The following ZNF829 variants were observed in gnomAD, a reference collection of about 807,000 sequenced individuals.
ZNF829 encodes the protein zinc finger protein 829.
ZNF829 carries 25 observed loss-of-function variants against 35.2 expected under a neutral mutation model. That is an observed-to-expected ratio of 0.71 (90% CI 0.52 to 0.99). ZNF829 has a LOEUF of 0.99. Ranked by LOEUF, ZNF829 falls within the 50% of genes least tolerant of loss-of-function variation. The probability of loss-of-function intolerance (pLI) is 0.00; values close to 1 mark genes in which losing one functional copy is unlikely to be tolerated. For missense variants in ZNF829, 417 were observed against 515.3 expected, an observed-to-expected ratio of 0.81 and a Z score of 1.85; for synonymous variants, 136 against 163.2, an observed-to-expected ratio of 0.83 and a Z score of 1.27.
Position 36,892,339 on chromosome 19 carries a change from C to T in ZNF829, c.452G>A (p.Ser151Asn), listed in dbSNP as rs1568366990. The T allele has an allele frequency of 6.2e-7, 1 of 1,613,816 alleles. No individual in the cohort carries two copies. The highest frequency in any genetic ancestry group is 8.5e-7 in the Non-Finnish European group (1 of 1,179,974). Residue 151 changes from serine (S) to asparagine (N), a missense_variant, in exon 6 of 6, where the codon AGT becomes AAT. By Grantham distance (46) the Ser-to-Asn change is conservative. Transcript: ENST00000391711. ...CTTACATTCCCATGGTTTCTCTTCA[C>T]TCATAGTTTTTTGAGGTGGAATAAG... ...TFLIPPQKTMSEEKPWECKIC... is the reference protein window; with the variant it reads ...TFLIPPQKTMNEEKPWECKIC...
In ZNF829 at chr19:36,892,719, C is replaced by A. The variant is rs922083404; in HGVS notation, c.320-248G>T. On this transcript the variant is annotated intron_variant, in intron 5 of 5. Coordinates refer to ENST00000391711, the MANE Select transcript of ZNF829 (RefSeq NM_001037232.4). ...CTCAAATTTTGGTCTGAACCAGAGT[C>A]ACCTTAAGCCTTGGTGAATACACAG... 2.3e-5 allele frequency: 13 copies of A among 566,858 alleles called. No individual in the cohort carries two copies. In the South Asian group the frequency reaches 2.6e-4, roughly 11 times the overall value. 35.1% of individuals were successfully genotyped at this position (566,858 alleles called of 1,614,324 possible).
chr19:36,907,912 C>CA lies in ZNF829; in HGVS notation c.319+16dup. 6.2e-7 allele frequency: 1 copy of CA among 1,604,772 alleles called. No individual in the cohort carries two copies. The highest frequency in any genetic ancestry group is 1.3e-5 in the African/African-American group (1 of 74,770). ...TCTCTTTATAGCCCTGCTCCTGAGC[C>CA]ATCATCTCTTACTTACCTGAACACA... On this transcript the variant is annotated intron_variant, in intron 5 of 5. Coordinates refer to ENST00000391711, the MANE Select transcript of ZNF829 (RefSeq NM_001037232.4).
chr19:36,898,605 T>C (rs1276773669), intron 5 of ZNF829, among the ~76,000 whole-genome samples: 2 of 152,168 alleles, frequency 1.3e-5, no homozygotes, highest in South Asian at 2.1e-4. Context: ...CTTCAAAATA[T>C]ACTACAAAGC....
chr19:36,888,314 C>T lies in ZNF829; in HGVS notation c.*3178G>A, dbSNP rs1371951940. 6.6e-6 allele frequency: 1 copy of T among 151,170 alleles called. No homozygotes were observed. The highest frequency in any genetic ancestry group is 1.5e-5 in the Non-Finnish European group (1 of 68,020). 9.4% of individuals were successfully genotyped at this position (151,170 alleles called of 1,614,324 possible). ...AGATGTTTCCTGTTCTATCTCCCAACACATACAGTGTTATTACCACAATAT... is the reference window on the plus strand; with the variant it reads ...AGATGTTTCCTGTTCTATCTCCCAATACATACAGTGTTATTACCACAATAT... On this transcript the variant is annotated 3_prime_UTR_variant, in exon 6 of 6. Coordinates refer to ENST00000391711, the MANE Select transcript of ZNF829 (RefSeq NM_001037232.4).
intron 3 of ZNF829, among the ~76,000 whole-genome samples, chr19:36,911,325 C>T (rs780454435): frequency 3.3e-5 from 5 of 152,020 alleles, no homozygotes; most frequent in Non-Finnish European, 7.3e-5. Context: ...AATGCTTCTG[C>T]CTCAGCCTCC....
rs2073046681 is a variant in ZNF829 at position 36,891,111 on chromosome 19, T to A, written c.*381A>T. On this transcript the variant is annotated 3_prime_UTR_variant, in exon 6 of 6. Coordinates refer to ENST00000391711, the MANE Select transcript of ZNF829 (RefSeq NM_001037232.4). ...CTGACTGGTGTCCAAATAAAAGACA[T>A]ACACAGAGATACACAGCGAGAATGC... 6.0e-6 allele frequency: 1 copy of A among 165,968 alleles called. No homozygotes were observed. 10.3% of individuals were successfully genotyped at this position (165,968 alleles called of 1,614,324 possible). A position where few individuals can be genotyped will look rare whatever the true frequency, so the allele number is the denominator to read the frequency against.
chr19:36,899,100 T>C lies in ZNF829; in HGVS notation c.320-6629A>G, dbSNP rs138209785. ...AGAATGGGAGAAAATATTTGCAAAC[T>C]CTTCACCTGAGAAGGGACTAATATC... On this transcript the variant is annotated intron_variant, in intron 5 of 5. Coordinates refer to ENST00000391711, the MANE Select transcript of ZNF829 (RefSeq NM_001037232.4). Among the ~76,000 whole-genome samples the C allele has an allele frequency of 2.0e-3, 309 of 152,168 alleles. 3 individuals carry two copies. Among genetic ancestry groups the C allele is most frequent in the African/African-American group, 7.3e-3 (301 of 41,516 alleles).
At chr19:36,896,915 T>C (rs1217353431) in intron 5 of ZNF829, among the ~76,000 whole-genome samples, 1 of 152,126 alleles carries the variant, frequency 6.6e-6, no homozygotes, top group Non-Finnish European at 1.5e-5. Flanking sequence ...CAAAGACTAC[T>C]ACAGGCAACT....
intron 5 of ZNF829, among the ~76,000 whole-genome samples, chr19:36,899,775 A>C (rs1436894674): frequency 1.3e-5 from 2 of 151,252 alleles, no homozygotes; most frequent in African/African-American, 2.4e-5. Context: ...AAAAAGAAAG[A>C]AGAAAAGATT....
intron 5 of ZNF829, among the ~76,000 whole-genome samples, chr19:36,894,473 G>A (rs140534611): frequency 6.6e-6 from 1 of 152,104 alleles, no homozygotes; most frequent in African/African-American, 2.4e-5. Flanking sequence ...TCTATCAAGT[G>A]CCTGAAAAAG....
intron 3 of ZNF829, among the ~76,000 whole-genome samples, chr19:36,912,533 AT>A (rs1277084704): frequency 2.0e-5 from 3 of 151,952 alleles, no homozygotes; most frequent in South Asian, 2.1e-4. Context: ...TTTTAACCTA[AT>A]TTTTTTTCTT....
intron 2 of ZNF829, 44 bp downstream of exon 2, chr19:36,915,086 C>T (rs2073301509): frequency 6.2e-7 from 1 of 1,613,922 alleles, no homozygotes; most frequent in South Asian, 1.1e-5. Context: ...TTCTTGGTAC[C>T]CAGATTAGTC....
At chr19:36,893,110 A>T (rs988943502) in intron 5 of ZNF829, 3 of 397,530 alleles carry the variant, frequency 7.5e-6, no homozygotes, top group African/African-American at 6.2e-5. Flanking sequence ...AAGAATAACA[A>T]ATGTGTTGAA....
chr19:36,896,179 C>T (rs748141013), intron 5 of ZNF829, among the ~76,000 whole-genome samples: 21 of 152,020 alleles, frequency 1.4e-4, no homozygotes, highest in Non-Finnish European at 2.8e-4. Context: ...GGCATGGTGG[C>T]AGGCACCTGT....
chr19:36,898,293 C>T (rs1262329518), intron 5 of ZNF829, among the ~76,000 whole-genome samples: 1 of 151,984 alleles, frequency 6.6e-6, no homozygotes, highest in Admixed American at 6.6e-5. Flanking sequence ...TAAATTTAAC[C>T]ATGAAGTGAA....
Position 36,890,855 on chromosome 19 carries a change from C to G in ZNF829, c.*637G>C, listed in dbSNP as rs2073044166. On this transcript the variant is annotated 3_prime_UTR_variant, in exon 6 of 6. Coordinates refer to ENST00000391711, the MANE Select transcript of ZNF829 (RefSeq NM_001037232.4). ...TGGGCAACAGAGCGAGACTCTGTCTCAAAATAAAATAAAATAAAATAAATT... is the reference window on the plus strand; with the variant it reads ...TGGGCAACAGAGCGAGACTCTGTCTGAAAATAAAATAAAATAAAATAAATT... 6.6e-6 allele frequency: 1 copy of G among 151,772 alleles called. No individual in the cohort carries two copies. The highest frequency in any genetic ancestry group is 1.5e-5 in the Non-Finnish European group (1 of 68,002). The allele number at this position is 151,772 out of a possible 1,614,324, so 9.4% of individuals were successfully genotyped here.
intron 5 of ZNF829, among the ~76,000 whole-genome samples, chr19:36,901,447 A>G (rs112685181): frequency 5.2e-4 from 79 of 152,346 alleles, no homozygotes; most frequent in African/African-American, 1.4e-3. Flanking sequence ...ATACAACTCT[A>G]TTACATTAAA....
intron 3 of ZNF829, among the ~76,000 whole-genome samples, 198 bp downstream of exon 3, chr19:36,914,767 G>T (rs1298273543): frequency 6.6e-6 from 1 of 152,000 alleles, no homozygotes; most frequent in Non-Finnish European, 1.5e-5. Context: ...TTTTTTCTTG[G>T]TAATGCTGTG....
At chr19:36,900,847 GAAAAAAAA>G (rs59848712) in intron 5 of ZNF829, among the ~76,000 whole-genome samples, 2 of 88,970 alleles carry the variant, frequency 2.2e-5, no homozygotes, top group South Asian at 7.8e-4. Flanking sequence ...GACTGTCTCA[GAAAAAAAA>G]AAAAAAAAAA....
Sources: gnomAD v4.1 joint callset for allele counts (sites outside exome capture counted in the v4.1 genomes callset) on GRCh38, gnomAD v4.1.1 for gene constraint, MANE v1.5 for transcripts, NCBI Gene and HGNC (gene_info 2026-07-23, HGNC 2026-07-21) for gene names.